The following ARFGEF3 variants were observed in gnomAD, a reference collection of about 807,000 sequenced individuals.
The protein encoded by ARFGEF3 is brefeldin A-inhibited guanine nucleotide-exchange protein 3.
In ARFGEF3, 96 loss-of-function variants were observed where a neutral mutation model predicts 221.7. The ratio of observed to expected loss-of-function variants is 0.43; its 90% confidence interval spans 0.37 to 0.51. ARFGEF3 has a LOEUF of 0.51. Ranked by LOEUF, ARFGEF3 falls within the 20% of genes least tolerant of loss-of-function variation. The pLI, the probability that ARFGEF3 is intolerant of heterozygous loss-of-function variation, is 0.00. For missense variants in ARFGEF3, 2,410 were observed against 2,789.9 expected (o/e 0.86, Z 3.07); for synonymous variants, 1,145 against 1,126.8 (o/e 1.02, Z -0.32).
At chr6:138,166,570 G>T (rs1776727071) in intron 1 of ARFGEF3, among the ~76,000 whole-genome samples, 1 of 152,208 alleles carries the variant, frequency 6.6e-6, no homozygotes. Context: ...TGTTAGTGAG[G>T]AATGGCGTGG....
At position 138,278,314 on chromosome 6, in the gene ARFGEF3, C is replaced by T. The variant is rs539071484; in HGVS notation, c.2129-137C>T. 4.3e-4 allele frequency: 351 copies of T among 816,426 alleles called. 2 individuals are homozygous for T. In the South Asian group the frequency reaches 5.5e-3, roughly 13 times the overall value. 50.6% of individuals were successfully genotyped at this position (816,426 alleles called of 1,614,324 possible). A position where few individuals can be genotyped will look rare whatever the true frequency, so the allele number is the denominator to read the frequency against. ...GTGTGTATCTGGCCCTAAGGATATT[C>T]CTGGCTAGCTGTCAGTGCTATACAG... On this transcript the variant is annotated intron_variant, in intron 12 of 33. Coordinates refer to ENST00000251691, the MANE Select transcript of ARFGEF3 (RefSeq NM_020340.5).
At chr6:138,171,167 C>T (rs775851350) in intron 2 of ARFGEF3, among the ~76,000 whole-genome samples, 3 of 151,694 alleles carry the variant, frequency 2.0e-5, no homozygotes, top group Non-Finnish European at 2.9e-5. Flanking sequence ...CATATGATAG[C>T]ATAGCATTTT....
intron 2 of ARFGEF3, among the ~76,000 whole-genome samples, chr6:138,183,823 G>C (rs1236134565): frequency 1.3e-5 from 2 of 152,188 alleles, no homozygotes; most frequent in African/African-American, 4.8e-5. Flanking sequence ...GTAGGGAGGT[G>C]CCTCTGTTTC....
At chr6:138,259,128 C>A (rs1385549066) in intron 10 of ARFGEF3, among the ~76,000 whole-genome samples, 3 of 152,144 alleles carry the variant, frequency 2.0e-5, no homozygotes, top group African/African-American at 7.2e-5. Flanking sequence ...AAAAGTGGTG[C>A]CTCCACTTTA....
chr6:138,266,475 A>G (rs1778893904), intron 12 of ARFGEF3, among the ~76,000 whole-genome samples: 1 of 152,042 alleles, frequency 6.6e-6, no homozygotes. Flanking sequence ...CTGGGCTCAA[A>G]CAATCCTCCT....
chr6:138,278,307 G>T (rs1779134206), intron 12 of ARFGEF3, 144 bp from the exon 13 acceptor site: 1 of 784,102 alleles, frequency 1.3e-6, no homozygotes, highest in African/African-American at 1.7e-5. Flanking sequence ...CTGGCCCTAA[G>T]GATATTCCTG....
At chr6:138,203,864 A>G (rs1432006404) in intron 2 of ARFGEF3, among the ~76,000 whole-genome samples, 1 of 151,684 alleles carries the variant, frequency 6.6e-6, no homozygotes, top group African/African-American at 2.4e-5. Context: ...GATGGTCTCT[A>G]TTGCTTGACT....
chr6:138,212,481 C>T (rs1234928896), intron 4 of ARFGEF3, among the ~76,000 whole-genome samples: 1 of 152,180 alleles, frequency 6.6e-6, no homozygotes, highest in African/African-American at 2.4e-5. Context: ...GGACCTAGAA[C>T]CAGAAATACC....
chr6:138,326,859 C>A (rs1780135330), intron 31 of ARFGEF3, among the ~76,000 whole-genome samples: 2 of 152,106 alleles, frequency 1.3e-5, no homozygotes, highest in South Asian at 4.1e-4. Flanking sequence ...TGGAATCAAC[C>A]CCAATGCCCA....
chr6:138,232,066 T>C (rs1174841974), intron 5 of ARFGEF3, among the ~76,000 whole-genome samples: 1 of 152,242 alleles, frequency 6.6e-6, no homozygotes, highest in Non-Finnish European at 1.5e-5. Flanking sequence ...TGTGGATGCA[T>C]AGCCCTTCTC....
intron 12 of ARFGEF3, among the ~76,000 whole-genome samples, chr6:138,266,254 A>G (rs930063151): frequency 3.3e-5 from 5 of 151,778 alleles, no homozygotes; most frequent in Non-Finnish European, 7.4e-5. Context: ...AAGAAAGAGA[A>G]AGAGAAGAAA....
At position 138,162,700 on chromosome 6, in the gene ARFGEF3, C is replaced by A. The variant is rs1776643141; in HGVS notation, c.85+529C>A. 6.6e-6 allele frequency among the ~76,000 whole-genome samples: 1 copy of A among 152,174 alleles called. No homozygotes were observed. The highest frequency in any genetic ancestry group is 1.9e-4 in the East Asian group (1 of 5,190). On this transcript the variant is annotated intron_variant, in intron 1 of 33. Coordinates refer to ENST00000251691, the MANE Select transcript of ARFGEF3 (RefSeq NM_020340.5). The surrounding 1 kb of genome is among the most constrained non-coding windows in gnomAD (Gnocchi z 4.7). ...ACGGGCGGGGATCATGTTACCTCTG[C>A]AATTCTGTTGTGGTCTGCCCTTCAG...
chr6:138,206,904 C>A (rs954542013), intron 2 of ARFGEF3, 138 bp from the exon 3 acceptor site: 13 of 644,382 alleles, frequency 2.0e-5, no homozygotes, highest in Non-Finnish European at 3.3e-5. Flanking sequence ...CTCTTAAGCC[C>A]ATGTGCATTT....
At position 138,321,114 on chromosome 6, in the gene ARFGEF3, T is replaced by G. The variant is rs1185623034; in HGVS notation, c.4655T>G (p.Ile1552Ser). 1.3e-6 allele frequency: 2 copies of G among 1,548,374 alleles called. No individual in the cohort carries two copies. Among genetic ancestry groups the G allele is most frequent in the Middle Eastern group, 1.7e-4 (1 of 6,010 alleles). ...GTGATTTTGCTGTTTCCCATAGATA[T>G]CAGGTACGAGAGCATGATCAATACC... ...EHIQSFLHSD[I>S]RYESMINTML... is the part of the protein sequence containing the mutation. Residue 1552 changes from isoleucine to serine, a missense_variant, in exon 29 of 34, where the codon ATC (isoleucine) becomes AGC (serine). By Grantham distance (142) the Ile-to-Ser change is moderately radical (BLOSUM62 -2). This residue lies in a region of ARFGEF3 where 723 missense variants were observed against 991.9 expected (regional missense o/e 0.73). Coordinates refer to ENST00000251691, the MANE Select transcript of ARFGEF3 (RefSeq NM_020340.5).
chr6:138,319,991 C>A, intron 28 of ARFGEF3, 112 bp downstream of exon 28: 1 of 865,796 alleles, frequency 1.2e-6, no homozygotes, highest in Non-Finnish European at 1.8e-6. Flanking sequence ...GGTTTTTGTC[C>A]TGGGAATTAT....
chr6:138,334,306 C>T lies in ARFGEF3; in HGVS notation c.5460C>T (p.Ala1820=). The change falls in exon 33 of 34, where the codon GCC becomes GCT. Residue 1820 remains alanine (A), a synonymous_variant. Transcript: ENST00000251691. The surrounding 1 kb of genome is among the most constrained non-coding windows in gnomAD (Gnocchi z 5.1). Reference sequence around the variant, plus strand: ...TGAGCTTTAACATTTATTTCCACGCCCTGGTGTGTGCTGTTCTCACCAATC... The same window carrying T: ...TGAGCTTTAACATTTATTTCCACGCTCTGGTGTGTGCTGTTCTCACCAATC... ...SAMSFNIYFH[A]LVCAVLTNQE... The T allele has an allele frequency of 2.5e-6, 4 of 1,613,820 alleles. No individual in the cohort carries two copies. The highest frequency in any genetic ancestry group is 3.4e-6 in the Non-Finnish European group (4 of 1,179,848).
intron 7 of ARFGEF3, 111 bp downstream of exon 7, chr6:138,243,105 C>T: frequency 1.2e-6 from 1 of 868,920 alleles, no homozygotes; most frequent in Non-Finnish European, 1.9e-6. Context: ...GTTGTTTTAC[C>T]ATTCTCTTGG....
At position 138,340,473 on chromosome 6, in the gene ARFGEF3, C is replaced by T. The variant is rs1292899813; in HGVS notation, c.*3987C>T. On this transcript the variant is annotated 3_prime_UTR_variant, in exon 34 of 34. Coordinates refer to ENST00000251691, the MANE Select transcript of ARFGEF3 (RefSeq NM_020340.5). ...TACTGCTTATACAGGAAAGTTTTCT[C>T]AGAAAGGAAAATCCATTAGTATCAG... 1.3e-5 allele frequency: 2 copies of T among 152,110 alleles called. No individual in the cohort carries two copies. Among genetic ancestry groups the T allele is most frequent in the Non-Finnish European group, 2.9e-5 (2 of 68,018 alleles). 9.4% of individuals were successfully genotyped at this position (152,110 alleles called of 1,614,324 possible).
intron 5 of ARFGEF3, 80 bp downstream of exon 5, chr6:138,229,932 C>T (rs759694664): frequency 5.2e-6 from 6 of 1,160,634 alleles, no homozygotes; most frequent in Non-Finnish European, 7.7e-6. Flanking sequence ...TGGAACTAAG[C>T]CCCAGCACTG....
Sources: allele counts gnomAD v4.1 joint callset (sites outside exome capture counted in the v4.1 genomes callset), GRCh38; gene constraint gnomAD v4.1.1; regional missense constraint gnomAD v4.1.1; non-coding constraint Gnocchi (gnomAD v3.1); transcripts MANE v1.5; gene names NCBI Gene and HGNC (gene_info 2026-07-23, HGNC 2026-07-21).